Variants in AIG1 observed in about 807,000 individuals in gnomAD.
AIG1 encodes the protein androgen-induced gene 1 protein.
In AIG1, 23 loss-of-function variants were observed where a neutral mutation model predicts 31.4. That is an observed-to-expected ratio of 0.73 (90% CI 0.53 to 1.04). AIG1 has a LOEUF of 1.04. AIG1 is among the 50% of genes least tolerant of loss of function. The pLI, the probability that AIG1 is intolerant of heterozygous loss-of-function variation, is 0.00. For missense variants in AIG1, 274 were observed against 295.0 expected (o/e 0.93, Z 0.52); for synonymous variants, 100 against 110.5 (o/e 0.90, Z 0.60).
intron 2 of AIG1, among the ~76,000 whole-genome samples, chr6:143,150,261 T>C (rs1196643926): frequency 1.3e-5 from 2 of 152,210 alleles, no homozygotes; most frequent in Admixed American, 6.5e-5. Context: ...ATCTTGGCTG[T>C]TTGGGTAAGT....
intron 2 of AIG1, among the ~76,000 whole-genome samples, chr6:143,149,300 G>A (rs960893641): frequency 1.3e-5 from 2 of 152,046 alleles, no homozygotes; most frequent in African/African-American, 2.4e-5. Context: ...GCTGAGGCAG[G>A]CGGATCACAA....
Position 143,314,553 on chromosome 6 carries a change from AC to A in AIG1, c.516-18728del, listed in dbSNP as rs1248492685. ...TAAAGAGTCAGAATTTGAAGTTTGA[AC>A]AATACCATTTACAATAGCACCAAAA... On this transcript the variant is annotated intron_variant, in intron 4 of 5. Transcript: ENST00000357847. Among the ~76,000 whole-genome samples the A allele has an allele frequency of 1.2e-3, 185 of 152,188 alleles. 1 individual carries two copies. The highest frequency in any genetic ancestry group is 1.0e-4 in the Non-Finnish European group (7 of 68,016).
intron 1 of AIG1, among the ~76,000 whole-genome samples, chr6:143,101,850 CAAG>C (rs1780310105): frequency 6.6e-6 from 1 of 152,062 alleles, no homozygotes; most frequent in Non-Finnish European, 1.5e-5. Context: ...CTCTAAAAAA[CAAG>C]AAAACAAACA....
At chr6:143,094,457 G>A (rs994474890) in intron 1 of AIG1, 2 of 152,170 alleles carry the variant, frequency 1.3e-5, no homozygotes, top group African/African-American at 4.8e-5. Flanking sequence ...TGTACACTGA[G>A]GCCTGTAGTT....
chr6:143,240,019 A>G (rs1185508865), intron 3 of AIG1, among the ~76,000 whole-genome samples: 1 of 152,252 alleles, frequency 6.6e-6, no homozygotes, highest in Non-Finnish European at 1.5e-5. Context: ...GGACAAAGAG[A>G]ATAAATGAAC....
chr6:143,125,866 C>A (rs1012540015), intron 1 of AIG1, among the ~76,000 whole-genome samples: 1 of 152,080 alleles, frequency 6.6e-6, no homozygotes. Context: ...TTTTCCTGCC[C>A]GTTTGAATGA....
chr6:143,138,379 C>T (rs1484918576), intron 2 of AIG1, among the ~76,000 whole-genome samples: 2 of 152,118 alleles, frequency 1.3e-5, no homozygotes, highest in African/African-American at 4.8e-5. Flanking sequence ...GCATAAAGCA[C>T]AAAGATACAT....
rs1468357771 is a variant in AIG1 at position 143,331,873 on chromosome 6, ATTATTATT to A, written c.516-1408_516-1401del. On this transcript the variant is annotated intron_variant, in intron 4 of 5. Transcript: ENST00000357847. This position sits in a 1 kb window ranked among gnomAD's most constrained non-coding sequence, Gnocchi z 4.1. ...TATTATTATTATTATTATTATTATTATTATTATTATTATTTTGAGACCAAGTCTCACTT... is the reference window on the plus strand; with the variant it reads ...TATTATTATTATTATTATTATTATTAATTATTTTGAGACCAAGTCTCACTT... 6.8e-6 allele frequency among the ~76,000 whole-genome samples: 1 copy of A among 147,406 alleles called. No homozygotes were observed. Among genetic ancestry groups the A allele is most frequent in the East Asian group, 2.0e-4 (1 of 5,088 alleles).
intron 4 of AIG1, among the ~76,000 whole-genome samples, chr6:143,308,996 A>T (rs893781136): frequency 6.6e-6 from 1 of 152,026 alleles, no homozygotes; most frequent in African/African-American, 2.4e-5. Context: ...CCAAAGAGAA[A>T]ATCTTGAAAG....
chr6:143,191,219 A>T (rs1425455730), intron 3 of AIG1, among the ~76,000 whole-genome samples: 1 of 152,176 alleles, frequency 6.6e-6, no homozygotes, highest in Non-Finnish European at 1.5e-5. Flanking sequence ...ATAGGGTGGT[A>T]TCTCTGCCTC....
intron 3 of AIG1, chr6:143,190,065 T>C: frequency 1.6e-6 from 1 of 609,044 alleles, no homozygotes; most frequent in Non-Finnish European, 2.1e-6. Context: ...ATCCCATTCA[T>C]TGAGGATTCC....
intron 4 of AIG1, among the ~76,000 whole-genome samples, chr6:143,311,052 T>G (rs1309705681): frequency 6.6e-6 from 1 of 151,976 alleles, no homozygotes; most frequent in Admixed American, 6.6e-5. Context: ...CACAATTTCT[T>G]TCAGAAAATA....
At chr6:143,337,995 G>A in intron 5 of AIG1, 1 of 398,622 alleles carries the variant, frequency 2.5e-6, no homozygotes, top group Non-Finnish European at 4.4e-6. Flanking sequence ...ACTAAAGTAG[G>A]TGGGAAGCCA....
chr6:143,272,212 G>A (rs542929854), intron 3 of AIG1, among the ~76,000 whole-genome samples: 37 of 152,086 alleles, frequency 2.4e-4, no homozygotes, highest in Non-Finnish European at 5.0e-4. Flanking sequence ...GATTAACTCC[G>A]CCCGAGACAG....
At chr6:143,143,548 T>TATATATATATATATATATAC (rs1357963834) in intron 2 of AIG1, among the ~76,000 whole-genome samples, 17 of 115,068 alleles carry the variant, frequency 1.5e-4, no homozygotes, top group African/African-American at 6.3e-4. Context: ...TATATATATA[T>TATATATATATATATATATAC]ATATATACAC....
At chr6:143,266,647 A>C (rs1447622314) in intron 3 of AIG1, among the ~76,000 whole-genome samples, 2 of 152,184 alleles carry the variant, frequency 1.3e-5, no homozygotes, top group East Asian at 3.9e-4. Flanking sequence ...ACTGAAAAAA[A>C]AAATGGTCAA....
chr6:143,070,491 G>A (rs1376623834), intron 1 of AIG1, among the ~76,000 whole-genome samples: 1 of 151,678 alleles, frequency 6.6e-6, no homozygotes, highest in Non-Finnish European at 1.5e-5. Context: ...ATTTTGTGTT[G>A]CTATCACAGA....
intron 3 of AIG1, among the ~76,000 whole-genome samples, chr6:143,167,809 G>T (rs1245836211): frequency 6.6e-6 from 1 of 152,142 alleles, no homozygotes; most frequent in Non-Finnish European, 1.5e-5. Flanking sequence ...GAGTTCAATA[G>T]ATTCTTTCAC....
intron 2 of AIG1, among the ~76,000 whole-genome samples, chr6:143,137,458 C>T (rs1426410977): frequency 6.6e-6 from 1 of 152,142 alleles, no homozygotes; most frequent in African/African-American, 2.4e-5. Flanking sequence ...TTGCAGAGGA[C>T]ACAATTCAGT....
Sources: gnomAD v4.1 joint callset for allele counts (sites outside exome capture counted in the v4.1 genomes callset) on GRCh38, gnomAD v4.1.1 for gene constraint, Gnocchi (gnomAD v3.1) non-coding constraint, MANE v1.5 for transcripts, NCBI Gene and HGNC (gene_info 2026-07-23, HGNC 2026-07-21) for gene names.